AGO3: variants seen among roughly 807,000 people sequenced by gnomAD.
AGO3 encodes the protein argonaute RISC catalytic component 3, also known as protein argonaute-3.
AGO3 carries 16 observed loss-of-function variants against 105.5 expected under a neutral mutation model. The observed-to-expected ratio is 0.15, with a 90% CI of 0.10 to 0.23. The LOEUF (loss-of-function observed/expected upper bound fraction) is 0.23. Ranked by LOEUF, AGO3 falls within the 10% of genes least tolerant of loss-of-function variation. The pLI, the probability that AGO3 is intolerant of heterozygous loss-of-function variation, is 1.00. For synonymous variants in AGO3, 340 were observed against 367.3 expected (o/e 0.93, Z 0.85); for missense variants, 534 against 1,088.0 (o/e 0.49, Z 7.16).
At chr1:35,992,615 G>A (rs545168248) in intron 5 of AGO3, among the ~76,000 whole-genome samples, 2 of 152,226 alleles carry the variant, frequency 1.3e-5, no homozygotes, top group African/African-American at 2.4e-5. Flanking sequence ...CCCAGAATCT[G>A]TTATTAAAGG....
At chr1:35,967,625 C>CAA (rs2148770604) in intron 3 of AGO3, among the ~76,000 whole-genome samples, 1 of 152,078 alleles carries the variant, frequency 6.6e-6, no homozygotes, top group African/African-American at 2.4e-5. Flanking sequence ...CCATGTTGGC[C>CAA]AGACTGGTCT....
chr1:36,015,818 C>G (rs962107910), intron 11 of AGO3, among the ~76,000 whole-genome samples: 2 of 152,142 alleles, frequency 1.3e-5, no homozygotes, highest in African/African-American at 4.8e-5. Context: ...CATTATTCTT[C>G]AATGTTCACC....
At chr1:36,018,010 T>C (rs551114558) in intron 11 of AGO3, among the ~76,000 whole-genome samples, 59 of 151,312 alleles carry the variant, frequency 3.9e-4, no homozygotes, top group African/African-American at 1.4e-3. Context: ...GACAATGTTC[T>C]CTTTTTTTTT....
At chr1:35,941,062 C>T (rs746406851) in intron 1 of AGO3, among the ~76,000 whole-genome samples, 1 of 152,154 alleles carries the variant, frequency 6.6e-6, no homozygotes, top group African/African-American at 2.4e-5. Context: ...CTTGTAGACA[C>T]CTCAAATTTA....
intron 14 of AGO3, among the ~76,000 whole-genome samples, chr1:36,037,641 C>T (rs1211123637): frequency 6.6e-6 from 1 of 151,916 alleles, no homozygotes; most frequent in Non-Finnish European, 1.5e-5. Context: ...TTTAAATTTC[C>T]ACTTCATGAT....
chr1:36,039,492 CAAAAAAA>C (rs1048314282), intron 14 of AGO3, among the ~76,000 whole-genome samples: 16 of 55,642 alleles, frequency 2.9e-4, no homozygotes, highest in South Asian at 6.9e-4. Context: ...GACTGCGTCT[CAAAAAAA>C]AAAAAAAAAA....
chr1:35,935,566 A>G (rs960034130), intron 1 of AGO3, among the ~76,000 whole-genome samples: 8 of 152,254 alleles, frequency 5.3e-5, no homozygotes, highest in Non-Finnish European at 8.8e-5. Context: ...CAATGGGAAC[A>G]TTGCGTTTTT....
rs1048314282 is a variant in AGO3, at chr1:36,039,492, C to CAAA, written c.1843-276_1843-274dup. ...CTGATGACAGAGCAAGACTGCGTCTCAAAAAAAAAAAAAAAAAAAAAAAAG... is the reference window on the plus strand; with the variant it reads ...CTGATGACAGAGCAAGACTGCGTCTCAAAAAAAAAAAAAAAAAAAAAAAAAAAG... On this transcript the variant is annotated intron_variant, in intron 14 of 18. Transcript: ENST00000373191. Among the ~76,000 whole-genome samples, 435 of 55,576 alleles carry CAAA rather than the reference C, an allele frequency of 7.8e-3. 6 individuals carry two copies. The highest frequency in any genetic ancestry group is 0.022 in the African/African-American group (413 of 19,066). 36.5% of individuals were successfully genotyped at this position (55,576 alleles called of 152,430 possible).
At chr1:36,007,541 A>G (rs1270307199) in intron 6 of AGO3, among the ~76,000 whole-genome samples, 1 of 152,152 alleles carries the variant, frequency 6.6e-6, no homozygotes, top group African/African-American at 2.4e-5. Flanking sequence ...TACTAAAAAT[A>G]TAAAAATTAA....
intron 11 of AGO3, among the ~76,000 whole-genome samples, chr1:36,017,749 A>G (rs1293965609): frequency 6.6e-6 from 1 of 151,878 alleles, no homozygotes; most frequent in Non-Finnish European, 1.5e-5. Context: ...CTGAAAATTC[A>G]AAAATAATCC....
intron 16 of AGO3, among the ~76,000 whole-genome samples, chr1:36,041,699 C>CTAA (rs1280314601): frequency 3.9e-5 from 6 of 152,224 alleles, no homozygotes; most frequent in African/African-American, 9.6e-5. Flanking sequence ...ATAGAAAGGA[C>CTAA]TAAGAGAGGG....
At chr1:36,000,205 A>G (rs913924573) in intron 5 of AGO3, among the ~76,000 whole-genome samples, 3 of 152,210 alleles carry the variant, frequency 2.0e-5, no homozygotes, top group Admixed American at 1.3e-4. Context: ...GGAATAAACT[A>G]CATATATATG....
Position 36,000,978 on chromosome 1 carries a change from G to A in AGO3, c.659-3363G>A, listed in dbSNP as rs542487670. 2.6e-5 allele frequency among the ~76,000 whole-genome samples: 4 copies of A among 152,256 alleles called. No homozygotes were observed. The South Asian group carries it at 8.3e-4, about 32-fold the overall frequency. ...GGGCCAGGCGTGGTGGCTCACGCCT[G>A]TAATCCCAGCACTTTGGGAGGCCGA... On this transcript the variant is annotated intron_variant, in intron 5 of 18. Transcript: ENST00000373191.
At chr1:35,964,558 G>C (rs1646738976) in intron 2 of AGO3, among the ~76,000 whole-genome samples, 1 of 152,110 alleles carries the variant, frequency 6.6e-6, no homozygotes, top group African/African-American at 2.4e-5. Flanking sequence ...CCATGTCTTT[G>C]CTATTGTGAA....
At chr1:36,054,813 TG>T in intron 17 of AGO3, 132 bp from the exon 18 acceptor site, 1 of 759,126 alleles carries the variant, frequency 1.3e-6, no homozygotes. Flanking sequence ...GCCCCAGAGG[TG>T]GAGGTTGCAG....
intron 12 of AGO3, among the ~76,000 whole-genome samples, chr1:36,029,973 A>T (rs1641693263): frequency 6.6e-6 from 1 of 151,842 alleles, no homozygotes; most frequent in Non-Finnish European, 1.5e-5. Context: ...GATTACAGGC[A>T]TGAGCCACTG....
chr1:35,964,683 G>A (rs1055590723), intron 2 of AGO3, among the ~76,000 whole-genome samples: 34 of 152,060 alleles, frequency 2.2e-4, no homozygotes, highest in Admixed American at 1.1e-3. Context: ...CTCTTTTTAC[G>A]TCTTTGAGGA....
At chr1:35,970,689 T>C (rs1646849836) in intron 3 of AGO3, among the ~76,000 whole-genome samples, 1 of 152,006 alleles carries the variant, frequency 6.6e-6, no homozygotes, top group African/African-American at 2.4e-5. Context: ...TTTGATTCTG[T>C]TTATGATATT....
chr1:36,045,242 A>G (rs2148854835), intron 17 of AGO3, among the ~76,000 whole-genome samples: 1 of 151,234 alleles, frequency 6.6e-6, no homozygotes, highest in African/African-American at 2.4e-5. Flanking sequence ...TTTTTTTTTT[A>G]ACGGAGTCTC....
Sources: allele counts gnomAD v4.1 joint callset (sites outside exome capture counted in the v4.1 genomes callset), GRCh38; gene constraint gnomAD v4.1.1; transcripts MANE v1.5; gene names NCBI Gene and HGNC (gene_info 2026-07-23, HGNC 2026-07-21).